DGKB: variants seen among roughly 807,000 people sequenced by gnomAD.
The protein encoded by DGKB is 90 kDa diacylglycerol kinase.
Under a neutral mutation model 114.3 loss-of-function variants are expected in DGKB, and 67 were observed. The ratio of observed to expected loss-of-function variants is 0.59; its 90% CI spans 0.48 to 0.72. The LOEUF (loss-of-function observed/expected upper bound fraction) is 0.72. Among genes scored for constraint, DGKB ranks in the 30% least tolerant of loss-of-function variants. The pLI, the probability that DGKB is intolerant of heterozygous loss-of-function variation, is 0.00. For synonymous variants in DGKB, 398 were observed against 323.1 expected (o/e 1.23, Z -2.49); for missense variants, 907 against 975.2 (o/e 0.93, Z 0.93).
At chr7:14,919,094 AAACACACACACACAC>A (rs1784391201) in intron 1 of DGKB, among the ~76,000 whole-genome samples, 2 of 131,458 alleles carry the variant, frequency 1.5e-5, no homozygotes, top group Non-Finnish European at 3.2e-5. Context: ...ACACACACAC[AAACACACACACACAC>A]ACACACACAC....
chr7:14,713,738 G>A (rs1377468768), intron 6 of DGKB, among the ~76,000 whole-genome samples: 1 of 151,590 alleles, frequency 6.6e-6, no homozygotes, highest in Non-Finnish European at 1.5e-5. Context: ...ACTGCACAGG[G>A]AAGTAACTTT....
intron 25 of DGKB, among the ~76,000 whole-genome samples, chr7:14,162,713 A>G (rs1335311815): frequency 1.3e-5 from 2 of 152,202 alleles, no homozygotes; most frequent in African/African-American, 4.8e-5. Flanking sequence ...TGAATGCATT[A>G]AAGTGAAGAG....
At chr7:14,172,607 G>A (rs1228115563) in intron 25 of DGKB, among the ~76,000 whole-genome samples, 6 of 152,050 alleles carry the variant, frequency 3.9e-5, no homozygotes, top group African/African-American at 1.2e-4. Flanking sequence ...GGGAAGAATC[G>A]CAGATCTAGG....
chr7:14,724,161 G>A (rs573983552), intron 5 of DGKB, among the ~76,000 whole-genome samples: 1 of 152,144 alleles, frequency 6.6e-6, no homozygotes, highest in African/African-American at 2.4e-5. Flanking sequence ...TAAAATATTG[G>A]TTCAATTTAC....
intron 20 of DGKB, among the ~76,000 whole-genome samples, chr7:14,568,790 T>A (rs1797961172): frequency 6.6e-6 from 1 of 152,186 alleles, no homozygotes; most frequent in Non-Finnish European, 1.5e-5. Flanking sequence ...GGAGGCAAGG[T>A]TCTTTGTATA....
chr7:14,682,607 A>G lies in DGKB; in HGVS notation c.981T>C (p.Thr327=). The G allele has an allele frequency of 6.2e-7, 1 of 1,613,644 alleles. No individual in the cohort carries two copies. Among genetic ancestry groups the G allele is most frequent in the Admixed American group, 1.7e-5 (1 of 60,006 alleles). Reference sequence around the variant, plus strand: ...CTGTCAGGCCCTGGTAACATTTAACAGTTTTGTGGCACTTATCACACTTGG... The same window carrying G: ...CTGTCAGGCCCTGGTAACATTTAACGGTTTTGTGGCACTTATCACACTTGG... The part of the protein sequence containing the change: ...CPTKCDKCHK[T]VKCYQGLTGL... The change falls in exon 12 of 26, where the codon ACT becomes ACC. Residue 327 remains threonine, a synonymous_variant. Coordinates refer to ENST00000402815, the MANE Select transcript of DGKB (RefSeq NM_001350709.2).
chr7:14,480,402 T>C (rs1402822019), intron 20 of DGKB, among the ~76,000 whole-genome samples: 1 of 152,034 alleles, frequency 6.6e-6, no homozygotes, highest in Non-Finnish European at 1.5e-5. Flanking sequence ...ACAGGATTGA[T>C]AAGGAACAAT....
chr7:14,256,834 C>T (rs1796034031), intron 23 of DGKB, among the ~76,000 whole-genome samples: 1 of 133,726 alleles, frequency 7.5e-6, no homozygotes, highest in South Asian at 2.3e-4. Context: ...ATAAGCTTCT[C>T]CTTGGTTTTT....
intron 21 of DGKB, among the ~76,000 whole-genome samples, chr7:14,447,621 T>A (rs533596844): frequency 1.3e-4 from 20 of 152,278 alleles, no homozygotes; most frequent in African/African-American, 3.6e-4. Flanking sequence ...TATCATTTTT[T>A]AAATTTTCTC....
intron 2 of DGKB, among the ~76,000 whole-genome samples, chr7:14,758,932 G>C (rs202020324): frequency 1.8e-4 from 26 of 142,096 alleles, no homozygotes; most frequent in African/African-American, 2.7e-4. Flanking sequence ...TAGATAGATA[G>C]ATACATAGAT....
At chr7:14,731,181 T>C (rs1396654626) in intron 5 of DGKB, among the ~76,000 whole-genome samples, 4 of 152,142 alleles carry the variant, frequency 2.6e-5, no homozygotes, top group African/African-American at 4.8e-5. Flanking sequence ...TTCACCAAAA[T>C]AGAAGGTAGG....
At chr7:14,918,531 C>G (rs36852) in intron 1 of DGKB, among the ~76,000 whole-genome samples, 86,115 of 151,868 alleles carry the variant, frequency 0.57, 27,070 homozygotes, top group East Asian at 0.92. Context: ...ATAGTAAAGT[C>G]AAATTCTTAA....
intron 1 of DGKB, among the ~76,000 whole-genome samples, chr7:14,916,087 G>A (rs552814742): frequency 4.0e-5 from 6 of 149,080 alleles, no homozygotes; most frequent in African/African-American, 1.0e-4. Flanking sequence ...GCTGTTATTC[G>A]GTACATGCAT....
At chr7:14,669,680 T>C (rs1026880898) in intron 13 of DGKB, among the ~76,000 whole-genome samples, 3 of 152,184 alleles carry the variant, frequency 2.0e-5, no homozygotes, top group East Asian at 3.9e-4. Context: ...ACAAAAATTA[T>C]CAAAGTCCAT....
At chr7:14,831,755 T>C (rs1846445934) in intron 2 of DGKB, among the ~76,000 whole-genome samples, 1 of 152,098 alleles carries the variant, frequency 6.6e-6, no homozygotes, top group Non-Finnish European at 1.5e-5. Context: ...TTTCAGACCT[T>C]CCACAGTCTG....
At chr7:14,281,833 AC>A (rs1800007241) in intron 23 of DGKB, among the ~76,000 whole-genome samples, 1 of 148,348 alleles carries the variant, frequency 6.7e-6, no homozygotes. Flanking sequence ...GACACAACAT[AC>A]CAGAATCTCT....
At chr7:14,160,118 A>G (rs1584129524) in intron 25 of DGKB, among the ~76,000 whole-genome samples, 1 of 151,992 alleles carries the variant, frequency 6.6e-6, no homozygotes, top group African/African-American at 2.4e-5. Flanking sequence ...AAAGTCTTTG[A>G]GTTTTTCAAA....
At chr7:14,470,177 C>A (rs1781071297) in intron 21 of DGKB, among the ~76,000 whole-genome samples, 2 of 151,862 alleles carry the variant, frequency 1.3e-5, no homozygotes, top group South Asian at 4.1e-4. Flanking sequence ...GGACATGAAA[C>A]TCTCATGAAG....
chr7:14,965,502 A>C (rs927415018), intron 1 of DGKB, among the ~76,000 whole-genome samples: 1 of 152,124 alleles, frequency 6.6e-6, no homozygotes, highest in Non-Finnish European at 1.5e-5. Flanking sequence ...ATGGTTTCTA[A>C]GAAAAATGTA....
Sources: allele counts gnomAD v4.1 joint callset (sites outside exome capture counted in the v4.1 genomes callset), GRCh38; gene constraint gnomAD v4.1.1; transcripts MANE v1.5; gene names NCBI Gene and HGNC (gene_info 2026-07-23, HGNC 2026-07-21).